The following USP26 variants were observed in gnomAD, a reference collection of about 807,000 sequenced individuals.
USP26 encodes the protein ubiquitin specific peptidase 26.
For synonymous variants in USP26, 236 were observed against 240.6 expected (o/e 0.98, Z 0.18); for missense variants, 649 against 642.3 (o/e 1.01, Z -0.11).
intron 5 of USP26, among the ~76,000 whole-genome samples, chrX:133,055,975 A>T (rs1455309845): frequency 8.9e-6 from 1 of 111,823 alleles, no homozygotes; most frequent in Non-Finnish European, 1.9e-5. Flanking sequence ...TTTGCAGGAA[A>T]ATACAATTCA....
In USP26 at chrX:133,025,622, C is replaced by T; in HGVS notation, c.2599G>A (p.Glu867Lys). 1 of 1,211,214 alleles carries T rather than the reference C, an allele frequency of 8.3e-7. No individual in the cohort carries two copies. Among genetic ancestry groups the T allele is most frequent in the Non-Finnish European group, 1.1e-6 (1 of 895,319 alleles). The change falls in exon 6 of 6, where the codon GAG (glutamate) becomes AAG (lysine). Residue 867 changes from glutamate (E) to lysine (K), a missense_variant. Glu to Lys is a moderately conservative substitution (Grantham distance 56). Transcript: ENST00000511190. ...CGCCTATCCTCCTGCATCTGGGCCT[C>T]CTGGATACCTAACACCCGCATATCA... ...YDDMRVLGIQ[E>K]AQMQEDRRCT...
intron 5 of USP26, among the ~76,000 whole-genome samples, chrX:133,047,913 A>C (rs1170972694): frequency 8.9e-6 from 1 of 111,897 alleles, no homozygotes; most frequent in African/African-American, 3.3e-5. Context: ...CAAGCCACCC[A>C]GTTTGTGATA....
intron 5 of USP26, among the ~76,000 whole-genome samples, chrX:133,035,514 G>C (rs897094612): frequency 8.9e-6 from 1 of 111,765 alleles, no homozygotes; most frequent in African/African-American, 3.3e-5. Context: ...AAACATTGGG[G>C]AGCTAAAACC....
At chrX:133,094,662 A>G (rs1355647922) in intron 1 of USP26, among the ~76,000 whole-genome samples, 1 of 111,957 alleles carries the variant, frequency 8.9e-6, no homozygotes, top group Non-Finnish European at 1.9e-5. Flanking sequence ...GAATACATTG[A>G]ACCTCAACAC....
chrX:133,026,759 CA>C lies in USP26; in HGVS notation c.1461del (p.Phe487LeufsTer40), dbSNP rs761320003. The C allele has an allele frequency of 1.7e-6, 2 of 1,208,501 alleles. No homozygotes were observed. Among genetic ancestry groups the C allele is most frequent in the East Asian group, 3.0e-5 (1 of 33,733 alleles). ...SSIQSTFDLF[F>X]GAEELEYKCA... ...CATTTATACTCAAGCTCTTCTGCTC[CA>C]AAAAAAAGATCAAAAGTAGACTGAA... is the stretch of plus-strand genomic sequence containing the variant. On this transcript the variant is annotated frameshift_variant, in exon 6 of 6. Coordinates refer to ENST00000511190, the MANE Select transcript of USP26 (RefSeq NM_031907.3). LOFTEE classifies it low-confidence loss of function (END_TRUNC).
chrX:133,081,709 T>C (rs141241181), intron 5 of USP26, among the ~76,000 whole-genome samples: 3,377 of 112,288 alleles, frequency 0.03, 76 homozygotes, highest in East Asian at 0.1. Flanking sequence ...TTAAGTGAAG[T>C]ATTTAAAGCA....
intron 5 of USP26, among the ~76,000 whole-genome samples, chrX:133,066,203 C>T (rs1392042322): frequency 2.3e-4 from 26 of 111,159 alleles, no homozygotes; most frequent in Admixed American, 5.8e-4. Context: ...AACTACAAAC[C>T]GCTGTTCAAG....
At chrX:133,057,866 ATT>A (rs59814007) in intron 5 of USP26, among the ~76,000 whole-genome samples, 3 of 9,332 alleles carry the variant, frequency 3.2e-4, no homozygotes, top group Non-Finnish European at 4.9e-4. Context: ...ATATATATAT[ATT>A]TTTTTTTTTT....
At chrX:133,070,934 TGGCC>T (rs1215132790) in intron 5 of USP26, among the ~76,000 whole-genome samples, 4 of 111,295 alleles carry the variant, frequency 3.6e-5, no homozygotes, top group Non-Finnish European at 5.7e-5. Context: ...AATTAAATGG[TGGCC>T]GGGTGTGGTG....
chrX:133,069,712 G>A (rs190253817), intron 5 of USP26, among the ~76,000 whole-genome samples: 1 of 111,506 alleles, frequency 9.0e-6, no homozygotes, highest in African/African-American at 3.3e-5. Context: ...CAAATGTGAG[G>A]TCTAAATAAA....
chrX:133,057,867 T>TATATATACATA (rs1491099712), intron 5 of USP26, among the ~76,000 whole-genome samples: 1 of 8,260 alleles, frequency 1.2e-4, no homozygotes, highest in African/African-American at 8.5e-4. Flanking sequence ...TATATATATA[T>TATATATACATA]TTTTTTTTTT....
At chrX:133,085,185 T>A (rs2067584606) in intron 4 of USP26, among the ~76,000 whole-genome samples, 1 of 112,024 alleles carries the variant, frequency 8.9e-6, no homozygotes, top group South Asian at 3.7e-4. Context: ...CCCACCTACC[T>A]CAGCCTCCCA....
At chrX:133,082,283 C>T (rs992074351) in intron 5 of USP26, among the ~76,000 whole-genome samples, 2 of 112,023 alleles carry the variant, frequency 1.8e-5, no homozygotes, top group Admixed American at 9.5e-5. Flanking sequence ...AGGTAAGAAA[C>T]CATTTTTATT....
intron 5 of USP26, among the ~76,000 whole-genome samples, chrX:133,039,196 C>T (rs911210672): frequency 9.0e-6 from 1 of 110,646 alleles, no homozygotes; most frequent in African/African-American, 3.3e-5. Flanking sequence ...TATTTCTTGT[C>T]TTCTGCTAGC....
At chrX:133,055,108 CA>C (rs924437877) in intron 5 of USP26, among the ~76,000 whole-genome samples, 1 of 111,664 alleles carries the variant, frequency 9.0e-6, no homozygotes, top group Non-Finnish European at 1.9e-5. Context: ...CTTTGAATGA[CA>C]AAAAAAGCTT....
At chrX:133,048,548 A>ATTTT (rs1323116294) in intron 5 of USP26, among the ~76,000 whole-genome samples, 5 of 87,302 alleles carry the variant, frequency 5.7e-5, no homozygotes, top group African/African-American at 2.1e-4. Context: ...GAACAGTTGC[A>ATTTT]TTTTTTTTTT....
At chrX:133,046,906 A>C (rs1205530240) in intron 5 of USP26, among the ~76,000 whole-genome samples, 1 of 111,931 alleles carries the variant, frequency 8.9e-6, no homozygotes, top group African/African-American at 3.2e-5. Flanking sequence ...CTGCTATTTT[A>C]GTGATTTTTA....
chrX:133,085,402 C>T (rs1385486896), intron 4 of USP26, among the ~76,000 whole-genome samples: 2 of 112,197 alleles, frequency 1.8e-5, no homozygotes, highest in South Asian at 7.5e-4. Context: ...ACCAATTCCA[C>T]ACACTAAGAA....
At chrX:133,047,334 G>T (rs1167823408) in intron 5 of USP26, among the ~76,000 whole-genome samples, 1 of 111,852 alleles carries the variant, frequency 8.9e-6, no homozygotes, top group Non-Finnish European at 1.9e-5. Context: ...TCAATTCTTG[G>T]CCTTTGCCTC....
Sources: allele counts gnomAD v4.1 joint callset (sites outside exome capture counted in the v4.1 genomes callset), GRCh38; gene constraint gnomAD v4.1.1; transcripts MANE v1.5; gene names NCBI Gene and HGNC (gene_info 2026-07-23, HGNC 2026-07-21).